CNTN5: variants seen among roughly 807,000 people sequenced by gnomAD.
CNTN5 encodes contactin-5.
CNTN5 carries 77 observed loss-of-function variants against 129.1 expected under a neutral mutation model. The observed-to-expected ratio is 0.60, with a 90% confidence interval of 0.50 to 0.72. CNTN5 has a LOEUF of 0.72. CNTN5 is among the 30% of genes least tolerant of loss of function. The pLI is 0.00. For synonymous variants in CNTN5, 509 were observed against 465.6 expected (o/e 1.09, Z -1.20); for missense variants, 1,478 against 1,328.8 (o/e 1.11, Z -1.75).
intron 1 of CNTN5, among the ~76,000 whole-genome samples, chr11:99,106,693 A>G (rs1458749697): frequency 6.6e-6 from 1 of 152,040 alleles, no homozygotes; most frequent in Admixed American, 6.6e-5. Context: ...CTTATCTTTA[A>G]GTCATTTCAC....
chr11:100,031,484 G>T (rs1014254695), intron 9 of CNTN5, among the ~76,000 whole-genome samples: 10 of 152,266 alleles, frequency 6.6e-5, no homozygotes, highest in African/African-American at 2.2e-4. Flanking sequence ...AGGGGCGCCT[G>T]TCCATACAGA....
At chr11:100,122,156 C>T (rs35863096) in intron 13 of CNTN5, among the ~76,000 whole-genome samples, 3,062 of 151,970 alleles carry the variant, frequency 0.02, 101 homozygotes, top group African/African-American at 0.069. Context: ...ACTTCAGAAC[C>T]AAGAAAGCCA....
At chr11:99,617,512 CAT>C (rs1458534303) in intron 3 of CNTN5, among the ~76,000 whole-genome samples, 4 of 152,116 alleles carry the variant, frequency 2.6e-5, no homozygotes, top group African/African-American at 9.7e-5. Flanking sequence ...AAAAGTGACA[CAT>C]AAACTTTAGT....
At chr11:99,708,112 C>T (rs1177848501) in intron 3 of CNTN5, among the ~76,000 whole-genome samples, 3 of 151,648 alleles carry the variant, frequency 2.0e-5, no homozygotes, top group Admixed American at 6.6e-5. Context: ...CAGAGAACAA[C>T]TTGTGACCTA....
intron 3 of CNTN5, among the ~76,000 whole-genome samples, chr11:99,690,176 T>C (rs947689878): frequency 6.6e-6 from 1 of 152,198 alleles, no homozygotes; most frequent in African/African-American, 2.4e-5. Context: ...CACTACTTAT[T>C]AAGTAGGGAA....
intron 9 of CNTN5, among the ~76,000 whole-genome samples, chr11:100,022,676 G>T (rs919689961): frequency 6.6e-6 from 1 of 152,000 alleles, no homozygotes; most frequent in Non-Finnish European, 1.5e-5. Context: ...TTTTCTTTCG[G>T]CCTGTTCCTC....
Position 100,246,427 on chromosome 11 carries a change from T to C in CNTN5, c.2006-9333T>C, listed in dbSNP as rs138261607. Among the ~76,000 whole-genome samples the C allele has an allele frequency of 6.9e-4, 105 of 152,202 alleles. 2 individuals are homozygous for C. The East Asian group carries it at 0.02, about 29-fold the overall frequency. ...CTTTAGATCATTTTTTCTTGAAATA[T>C]AGAGTACATAAACATTTTCTAGGCA... is the stretch of plus-strand genomic sequence containing the variant. On this transcript the variant is annotated intron_variant, in intron 16 of 24. Coordinates refer to ENST00000524871, the MANE Select transcript of CNTN5 (RefSeq NM_014361.4).
chr11:99,104,340 C>G (rs939056614), intron 1 of CNTN5, among the ~76,000 whole-genome samples: 57 of 151,880 alleles, frequency 3.8e-4, no homozygotes, highest in African/African-American at 1.3e-3. Context: ...TAGCAGTATT[C>G]CCGTCATCTA....
chr11:99,916,512 G>A (rs758778772), intron 7 of CNTN5, among the ~76,000 whole-genome samples: 70 of 152,108 alleles, frequency 4.6e-4, no homozygotes, highest in Non-Finnish European at 7.5e-4. Flanking sequence ...ACCAATATGC[G>A]TCTTGTTTCA....
intron 1 of CNTN5, among the ~76,000 whole-genome samples, chr11:99,267,510 T>A (rs961704533): frequency 1.3e-5 from 2 of 151,994 alleles, no homozygotes; most frequent in African/African-American, 4.8e-5. Context: ...GAGAAAGAAA[T>A]TTAATTAAAC....
chr11:99,448,211 G>A (rs915282976), intron 2 of CNTN5, among the ~76,000 whole-genome samples: 3 of 152,026 alleles, frequency 2.0e-5, no homozygotes, highest in Non-Finnish European at 2.9e-5. Flanking sequence ...AAATATAACT[G>A]AGAAGCATCA....
chr11:100,135,524 G>A (rs926570444), intron 13 of CNTN5, among the ~76,000 whole-genome samples: 1 of 152,024 alleles, frequency 6.6e-6, no homozygotes, highest in Non-Finnish European at 1.5e-5. Flanking sequence ...GATAAAACAA[G>A]TGTGCCTCTT....
chr11:99,184,410 A>G lies in CNTN5; in HGVS notation c.-209-140936A>G, dbSNP rs1047664089. ...ACCACTTAACTTGGCAAATTTCTCAATCCTCTTGAAAATTTAAGTCAGATG... is the reference window on the plus strand; with the variant it reads ...ACCACTTAACTTGGCAAATTTCTCAGTCCTCTTGAAAATTTAAGTCAGATG... On this transcript the variant is annotated intron_variant, in intron 1 of 24. Coordinates refer to ENST00000524871, the MANE Select transcript of CNTN5 (RefSeq NM_014361.4). 3.9e-5 allele frequency among the ~76,000 whole-genome samples: 6 copies of G among 152,144 alleles called. No homozygotes were observed. The East Asian group carries it at 1.2e-3, about 29-fold the overall frequency.
chr11:99,612,584 C>A (rs1950624203), intron 3 of CNTN5, among the ~76,000 whole-genome samples: 1 of 152,080 alleles, frequency 6.6e-6, no homozygotes, highest in African/African-American at 2.4e-5. Context: ...CTGGAGGATT[C>A]TAAGTCTTTC....
intron 13 of CNTN5, among the ~76,000 whole-genome samples, chr11:100,128,950 A>G (rs1044966389): frequency 6.6e-6 from 1 of 152,130 alleles, no homozygotes; most frequent in African/African-American, 2.4e-5. Flanking sequence ...GCAATTATAC[A>G]TTATATCACT....
intron 7 of CNTN5, among the ~76,000 whole-genome samples, chr11:99,942,098 T>C (rs1333440374): frequency 2.6e-5 from 4 of 152,222 alleles, no homozygotes; most frequent in Admixed American, 6.6e-5. Context: ...CAACTCAAGA[T>C]AGCTCCAACT....
chr11:100,109,342 C>T (rs1269608509), intron 13 of CNTN5, among the ~76,000 whole-genome samples: 2 of 152,154 alleles, frequency 1.3e-5, no homozygotes, highest in Non-Finnish European at 2.9e-5. Context: ...AGGCGAATCG[C>T]TTGAACCCGG....
chr11:99,367,732 G>T (rs1224044042), intron 2 of CNTN5, among the ~76,000 whole-genome samples: 3 of 152,048 alleles, frequency 2.0e-5, no homozygotes, highest in African/African-American at 7.2e-5. Flanking sequence ...AAAGAGGGAG[G>T]TAGGATGGGT....
intron 18 of CNTN5, among the ~76,000 whole-genome samples, chr11:100,273,284 C>T (rs1490508455): frequency 1.3e-5 from 2 of 152,106 alleles, no homozygotes; most frequent in South Asian, 2.1e-4. Flanking sequence ...GCAGCCGCAG[C>T]GTCCCCGACA....
Sources: allele counts gnomAD v4.1 joint callset (sites outside exome capture counted in the v4.1 genomes callset), GRCh38; gene constraint gnomAD v4.1.1; transcripts MANE v1.5; gene names NCBI Gene and HGNC (gene_info 2026-07-23, HGNC 2026-07-21).